The following PDE1A variants were observed in gnomAD, a reference collection of about 807,000 sequenced individuals.
The protein encoded by PDE1A is dual specificity calcium/calmodulin-dependent 3',5'-cyclic nucleotide phosphodiesterase 1A.
Under a neutral mutation model 61.7 loss-of-function variants are expected in PDE1A, and 35 were observed. The ratio of observed to expected loss-of-function variants is 0.57; its 90% CI spans 0.43 to 0.75. PDE1A has a LOEUF of 0.75. Ranked by LOEUF, PDE1A falls within the 30% of genes least tolerant of loss-of-function variation. The pLI, the probability that PDE1A is intolerant of heterozygous loss-of-function variation, is 0.00. For synonymous variants in PDE1A, 232 were observed against 213.2 expected (o/e 1.09, Z -0.77); for missense variants, 597 against 630.6 (o/e 0.95, Z 0.57).
chr2:182,492,984 CA>C (rs34670464), intron 2 of PDE1A, among the ~76,000 whole-genome samples: 60,517 of 145,298 alleles, frequency 0.42, 12,419 homozygotes, highest in African/African-American at 0.48. Flanking sequence ...ATTATGGTGG[CA>C]AAAAAAAAAA....
chr2:182,367,504 T>C (rs1699902106), intron 1 of PDE1A, among the ~76,000 whole-genome samples: 4 of 151,986 alleles, frequency 2.6e-5, no homozygotes, highest in Admixed American at 2.6e-4. Context: ...TAAAATACAG[T>C]GGTGGGAATT....
chr2:182,494,822 G>A (rs1014861368), intron 2 of PDE1A, among the ~76,000 whole-genome samples: 3 of 152,070 alleles, frequency 2.0e-5, no homozygotes, highest in Admixed American at 1.3e-4. Context: ...AGGAGAAACA[G>A]CACACTTTTA....
chr2:182,654,866 T>C, the PDE1A span, among the ~76,000 whole-genome samples: 1 of 152,188 alleles, frequency 6.6e-6, no homozygotes, highest in African/African-American at 2.4e-5. Flanking sequence ...GTACCTCTAA[T>C]GGGCTTTCCA....
chr2:182,680,211 G>A, the PDE1A span, among the ~76,000 whole-genome samples: 1 of 151,140 alleles, frequency 6.6e-6, no homozygotes, highest in African/African-American at 2.4e-5. Context: ...AACTTTATCA[G>A]CGACTTTTTT....
At chr2:182,605,913 A>G in the PDE1A span, among the ~76,000 whole-genome samples, 2 of 152,148 alleles carry the variant, frequency 1.3e-5, no homozygotes, top group Non-Finnish European at 2.9e-5. Context: ...ACACACCAAA[A>G]CATCTCAAGG....
At chr2:182,658,047 T>TAAAAA in the PDE1A span, among the ~76,000 whole-genome samples, 76 of 66,514 alleles carry the variant, frequency 1.1e-3, no homozygotes, top group African/African-American at 3.2e-3. Flanking sequence ...AGCTTCTCAG[T>TAAAAA]AAAAAAAAAA....
At chr2:182,286,174 CT>C (rs927460807) in intron 1 of PDE1A, among the ~76,000 whole-genome samples, 1 of 152,076 alleles carries the variant, frequency 6.6e-6, no homozygotes, top group Non-Finnish European at 1.5e-5. Context: ...TGGGAGGGCA[CT>C]TCGAGAGCTC....
intron 1 of PDE1A, among the ~76,000 whole-genome samples, chr2:182,310,305 C>T (rs1474287514): frequency 6.6e-6 from 1 of 152,074 alleles, no homozygotes; most frequent in African/African-American, 2.4e-5. Context: ...AATATCTTCT[C>T]TTTAGAGGAG....
chr2:182,690,821 C>T, the PDE1A span, among the ~76,000 whole-genome samples: 5 of 152,174 alleles, frequency 3.3e-5, no homozygotes, highest in African/African-American at 1.2e-4. Context: ...TGATAAGCAA[C>T]TTCAGCAAAG....
chr2:182,222,358 A>G (rs1032590094), intron 7 of PDE1A, among the ~76,000 whole-genome samples: 1 of 151,984 alleles, frequency 6.6e-6, no homozygotes, highest in Non-Finnish European at 1.5e-5. Flanking sequence ...AAGAGACATT[A>G]AAGAGACCAG....
intron 2 of PDE1A, among the ~76,000 whole-genome samples, chr2:182,251,266 T>C (rs1389200433): frequency 6.6e-6 from 1 of 152,102 alleles, no homozygotes; most frequent in Admixed American, 6.6e-5. Flanking sequence ...AGTTCCTTTA[T>C]CAGTACAAAA....
At chr2:182,520,497 T>C (rs1026474841) in intron 2 of PDE1A, among the ~76,000 whole-genome samples, 3 of 151,944 alleles carry the variant, frequency 2.0e-5, no homozygotes, top group African/African-American at 7.2e-5. Flanking sequence ...CTTCTATCAA[T>C]TCATGAAGAT....
chr2:182,670,305 T>C, the PDE1A span, among the ~76,000 whole-genome samples: 1 of 152,196 alleles, frequency 6.6e-6, no homozygotes, highest in African/African-American at 2.4e-5. Context: ...GACTAGTATT[T>C]CTCAATCCTT....
chr2:182,701,122 C>A, the PDE1A span, among the ~76,000 whole-genome samples: 1 of 151,752 alleles, frequency 6.6e-6, no homozygotes, highest in Non-Finnish European at 1.5e-5. Flanking sequence ...GCAAGCTATG[C>A]CTCCCAGGTT....
intron 3 of PDE1A, among the ~76,000 whole-genome samples, chr2:182,236,353 T>A (rs1690014170): frequency 6.6e-6 from 1 of 152,016 alleles, no homozygotes; most frequent in African/African-American, 2.4e-5. Flanking sequence ...GGTGTTTTTT[T>A]TTTTTGGAAA....
intron 1 of PDE1A, among the ~76,000 whole-genome samples, chr2:182,372,852 G>C (rs1463307872): frequency 6.6e-6 from 1 of 152,184 alleles, no homozygotes; most frequent in African/African-American, 2.4e-5. Flanking sequence ...TGACTCATAA[G>C]ACAAAATTCC....
intron 1 of PDE1A, among the ~76,000 whole-genome samples, chr2:182,371,381 A>G (rs1334452359): frequency 6.6e-6 from 1 of 152,218 alleles, no homozygotes; most frequent in Non-Finnish European, 1.5e-5. Context: ...TAAAATGACT[A>G]TCAGGTCTCC....
At chr2:182,550,588 A>T in the PDE1A span, among the ~76,000 whole-genome samples, 3 of 152,240 alleles carry the variant, frequency 2.0e-5, no homozygotes, top group Non-Finnish European at 4.4e-5. Context: ...AACAATTACG[A>T]CGCTCCAGTC....
chr2:182,529,582 A>G, the PDE1A span, among the ~76,000 whole-genome samples: 352 of 152,304 alleles, frequency 2.3e-3, 3 homozygotes, highest in African/African-American at 7.9e-3. Context: ...TTGAAAAGTG[A>G]GACCACGAGG....
Sources: allele counts gnomAD v4.1 joint callset (sites outside exome capture counted in the v4.1 genomes callset), GRCh38; gene constraint gnomAD v4.1.1; transcripts MANE v1.5; gene names NCBI Gene and HGNC (gene_info 2026-07-23, HGNC 2026-07-21).